Variants in LTBP1 observed in about 807,000 individuals in gnomAD.
LTBP1 encodes latent-transforming growth factor beta-binding protein 1.
Under a neutral mutation model 207.6 loss-of-function variants are expected in LTBP1, and 129 were observed. The ratio of observed to expected loss-of-function variants is 0.62; its 90% CI spans 0.54 to 0.72. The LOEUF is 0.72. Among genes scored for constraint, LTBP1 ranks in the 30% least tolerant of loss-of-function variants. LTBP1 has a pLI of 0.00. For missense variants in LTBP1, 2,281 were observed against 2,217.2 expected, an observed-to-expected ratio of 1.03 and a Z score of -0.58; for synonymous variants, 963 against 833.7, an observed-to-expected ratio of 1.16 and a Z score of -2.67.
intron 3 of LTBP1, among the ~76,000 whole-genome samples, chr2:33,041,812 A>G (rs2076201107): frequency 6.6e-6 from 1 of 152,166 alleles, no homozygotes; most frequent in South Asian, 2.1e-4. Context: ...ACACACATAT[A>G]TAATTATAAT....
chr2:33,228,196 A>G (rs2091562897), intron 9 of LTBP1, among the ~76,000 whole-genome samples: 3 of 152,232 alleles, frequency 2.0e-5, no homozygotes, highest in Non-Finnish European at 2.9e-5. Flanking sequence ...ATGATAAACT[A>G]TGTTTGTAAG....
At chr2:33,192,656 G>A (rs1188350067) in intron 7 of LTBP1, among the ~76,000 whole-genome samples, 1 of 152,086 alleles carries the variant, frequency 6.6e-6, no homozygotes, top group African/African-American at 2.4e-5. Flanking sequence ...AGATATTTTG[G>A]GAATAGTTGG....
chr2:33,201,716 T>C (rs907275858), intron 7 of LTBP1, among the ~76,000 whole-genome samples: 6 of 152,112 alleles, frequency 3.9e-5, no homozygotes, highest in Admixed American at 3.9e-4. Flanking sequence ...AAATAAACTT[T>C]ATGTGGATTA....
chr2:33,026,694 C>T (rs1013488308), intron 3 of LTBP1, among the ~76,000 whole-genome samples: 3 of 152,120 alleles, frequency 2.0e-5, no homozygotes, highest in Non-Finnish European at 2.9e-5. Context: ...GCTCAGTGCT[C>T]AATTCATGAC....
intron 5 of LTBP1, among the ~76,000 whole-genome samples, chr2:33,150,533 C>A (rs367547993): frequency 1.3e-4 from 20 of 151,822 alleles, no homozygotes; most frequent in African/African-American, 4.3e-4. Flanking sequence ...TCATCTCTAA[C>A]AGAAACTATA....
chr2:33,236,427 A>G (rs1232965136), intron 9 of LTBP1, among the ~76,000 whole-genome samples: 5 of 152,214 alleles, frequency 3.3e-5, no homozygotes, highest in African/African-American at 1.2e-4. Context: ...TTCAGTAAGA[A>G]TTTAAACAGT....
intron 18 of LTBP1, 34 bp downstream of exon 18, chr2:33,275,957 G>A (rs1445961797): frequency 3.6e-5 from 55 of 1,540,438 alleles, no homozygotes; most frequent in African/African-American, 5.5e-5. Context: ...CACACATGAC[G>A]GTGATGTGCA....
chr2:33,111,190 G>C (rs2080378121), intron 4 of LTBP1, among the ~76,000 whole-genome samples: 1 of 152,144 alleles, frequency 6.6e-6, no homozygotes, highest in African/African-American at 2.4e-5. Flanking sequence ...GACTCACCTA[G>C]TTTTTAGTGT....
At chr2:32,966,338 C>G (rs987940395) in intron 2 of LTBP1, among the ~76,000 whole-genome samples, 1 of 151,842 alleles carries the variant, frequency 6.6e-6, no homozygotes, top group Admixed American at 6.6e-5. Context: ...TAATGAAGTC[C>G]AGCTTATCAA....
chr2:33,069,566 G>A lies in LTBP1; in HGVS notation c.864-41016G>A, dbSNP rs147871039. 5.3e-3 allele frequency among the ~76,000 whole-genome samples: 808 copies of A among 152,254 alleles called. 4 individuals carry two copies. The highest frequency in any genetic ancestry group is 0.018 in the African/African-American group (749 of 41,540). On this transcript the variant is annotated intron_variant, in intron 3 of 33. Coordinates refer to ENST00000404816, the MANE Select transcript of LTBP1 (RefSeq NM_206943.4). Reference sequence around the variant, plus strand: ...TTACCTGCTGACCTTGAAACCCTTGGTGTGTGTGCAGCACAGCCTGGAAGT... The same window carrying A: ...TTACCTGCTGACCTTGAAACCCTTGATGTGTGTGCAGCACAGCCTGGAAGT...
At position 33,134,981 on chromosome 2, in the gene LTBP1, T is replaced by C; in HGVS notation, c.1201+21T>C. On this transcript the variant is annotated intron_variant, in intron 5 of 33. Transcript: ENST00000404816. The surrounding 1 kb of genome is among the most constrained non-coding windows in gnomAD (Gnocchi z 4.4). ...AGTGGGTGAGTTCCTCCACGGTCCC[T>C]AACTGTCCTTACTGAGTCGAGTTTT... 6.3e-7 allele frequency: 1 copy of C among 1,584,036 alleles called. No individual in the cohort carries two copies. Among genetic ancestry groups the C allele is most frequent in the Non-Finnish European group, 8.6e-7 (1 of 1,164,794 alleles).
rs1301471833 is a variant in LTBP1 at position 32,947,179 on chromosome 2, C to T, written c.-146C>T. 2.0e-5 allele frequency: 10 copies of T among 506,132 alleles called. No homozygotes were observed. The highest frequency in any genetic ancestry group is 1.0e-4 in the South Asian group (1 of 9,812). 31.4% of individuals were successfully genotyped at this position (506,132 alleles called of 1,614,324 possible). On this transcript the variant is annotated 5_prime_UTR_variant, in exon 1 of 34. Coordinates refer to ENST00000404816, the MANE Select transcript of LTBP1 (RefSeq NM_206943.4). ...CGCTCAGCTGCCCGCAGAGCCTCCT[C>T]CCTCGCCACCGACTTGGTCTCCTCC... is the stretch of plus-strand genomic sequence containing the variant.
At chr2:33,215,715 T>C (rs1318117185) in intron 7 of LTBP1, among the ~76,000 whole-genome samples, 1 of 136,234 alleles carries the variant, frequency 7.3e-6, no homozygotes, top group Non-Finnish European at 1.6e-5. Flanking sequence ...GGTTTTCTTT[T>C]GTTTTTTGTT....
chr2:33,261,288 G>A (rs957494248), intron 13 of LTBP1, among the ~76,000 whole-genome samples: 1 of 152,208 alleles, frequency 6.6e-6, no homozygotes, highest in African/African-American at 2.4e-5. Context: ...CCTGATCCTG[G>A]TCTGTTCCTT....
In LTBP1 at chr2:33,133,675, A is replaced by G. The variant is rs80097992; in HGVS notation, c.1034-1118A>G. Among the ~76,000 whole-genome samples the G allele has an allele frequency of 8.0e-3, 1,213 of 152,228 alleles. 10 individuals are homozygous for G. The highest frequency in any genetic ancestry group is 0.01 in the East Asian group (53 of 5,176). ...AGCAGCCATAGACAGTACAGAAATG[A>G]ATGAGGGTGGCTGTGTTCCAGTAAA... is the stretch of plus-strand genomic sequence containing the variant. On this transcript the variant is annotated intron_variant, in intron 4 of 33. Transcript: ENST00000404816.
chr2:33,118,777 A>G (rs1215701647), intron 4 of LTBP1, among the ~76,000 whole-genome samples: 1 of 152,186 alleles, frequency 6.6e-6, no homozygotes, highest in Admixed American at 6.5e-5. Context: ...ATCCTGGGTT[A>G]GGGCGTGGAG....
rs185063767 is a variant in LTBP1 at position 33,105,039 on chromosome 2, T to C, written c.864-5543T>C. 2.0e-3 allele frequency among the ~76,000 whole-genome samples: 312 copies of C among 152,296 alleles called. 5 individuals carry two copies. The highest frequency in any genetic ancestry group is 7.1e-3 in the African/African-American group (297 of 41,568). On this transcript the variant is annotated intron_variant, in intron 3 of 33. Transcript: ENST00000404816. ...TAGTTCTTCTTATAGTTACCTCCAT[T>C]ATGGCCCCTTCTCGATTTATTCACT...
At chr2:33,116,745 A>C (rs2080768526) in intron 4 of LTBP1, among the ~76,000 whole-genome samples, 1 of 151,922 alleles carries the variant, frequency 6.6e-6, no homozygotes, top group Admixed American at 6.6e-5. Context: ...AGAGAGAGAG[A>C]AATGACTGGC....
Position 32,947,557 on chromosome 2 carries a change from G to A in LTBP1, c.233G>A (p.Gly78Glu). The change falls in exon 1 of 34, where the codon GGG (glycine) becomes GAG (glutamate). Residue 78 changes from glycine (G) to glutamate (E), a missense_variant. By Grantham distance (98) the Gly-to-Glu change is moderately conservative (BLOSUM62 -2). Around this residue, in one of 3 missense-constraint regions of LTBP1, gnomAD observed 555 missense variants for 491.0 expected, o/e 1.13. Transcript: ENST00000404816. ...AAGAPSRASP[G>E]VPSERTRRTS... ...GGCGCCCCCAGCCGTGCCTCCCCCG[G>A]GGTCCCCTCGGAGAGGACCCGGCGC... 7.3e-7 allele frequency: 1 copy of A among 1,363,682 alleles called. No homozygotes were observed. Among genetic ancestry groups the A allele is most frequent in the Non-Finnish European group, 9.4e-7 (1 of 1,060,788 alleles). The allele number at this position is 1,363,682 out of a possible 1,614,324, so 84.5% of individuals were successfully genotyped here.
Sources: gnomAD v4.1 joint callset for allele counts (sites outside exome capture counted in the v4.1 genomes callset) on GRCh38, gnomAD v4.1.1 for gene constraint, gnomAD v4.1.1 regional missense constraint, Gnocchi (gnomAD v3.1) non-coding constraint, MANE v1.5 for transcripts, NCBI Gene and HGNC (gene_info 2026-07-23, HGNC 2026-07-21) for gene names.